The following RAB27B variants were observed in gnomAD, a reference collection of about 807,000 sequenced individuals.
RAB27B encodes the protein ras-related protein Rab-27B.
Under a neutral mutation model 24.6 loss-of-function variants are expected in RAB27B, and 15 were observed. The ratio of observed to expected loss-of-function variants is 0.61; its 90% CI spans 0.41 to 0.94. The LOEUF (loss-of-function observed/expected upper bound fraction) is 0.94, where lower values mean the gene tolerates loss of function less well. Among genes scored for constraint, RAB27B ranks in the 40% least tolerant of loss-of-function variants. The pLI, the probability that RAB27B is intolerant of heterozygous loss-of-function variation, is 0.00. For synonymous variants in RAB27B, 105 were observed against 92.5 expected, an observed-to-expected ratio of 1.14 and a Z score of -0.78; for missense variants, 261 against 266.8, an observed-to-expected ratio of 0.98 and a Z score of 0.15.
intron 1 of RAB27B, among the ~76,000 whole-genome samples, chr18:54,868,666 C>T (rs184837094): frequency 6.6e-6 from 1 of 151,950 alleles, no homozygotes; most frequent in East Asian, 1.9e-4. Flanking sequence ...TCATATTGCC[C>T]AGGCTGGAGT....
intron 1 of RAB27B, among the ~76,000 whole-genome samples, chr18:54,877,221 G>A (rs1912738796): frequency 1.3e-5 from 2 of 152,038 alleles, no homozygotes; most frequent in African/African-American, 4.8e-5. Context: ...GTTTCTTGAG[G>A]CCTCCCCAGC....
chr18:54,741,767 G>A (rs994377707), intron 2 of RAB27B, among the ~76,000 whole-genome samples: 1 of 152,172 alleles, frequency 6.6e-6, no homozygotes, highest in African/African-American at 2.4e-5. Context: ...CTCCCAAAGT[G>A]CTGAGATTAC....
At chr18:54,785,818 C>G in intron 2 of RAB27B, among the ~76,000 whole-genome samples, 1 of 152,082 alleles carries the variant, frequency 6.6e-6, no homozygotes, top group East Asian at 1.9e-4. Context: ...TAGGGGCCAG[C>G]GACCATGGTT....
intron 2 of RAB27B, among the ~76,000 whole-genome samples, chr18:54,819,971 A>G (rs934272013): frequency 2.0e-5 from 3 of 152,180 alleles, no homozygotes; most frequent in Non-Finnish European, 4.4e-5. Flanking sequence ...TTGGCTGCAT[A>G]GTATTCCACG....
At chr18:54,726,145 T>G (rs926685446) in intron 2 of RAB27B, among the ~76,000 whole-genome samples, 3 of 151,440 alleles carry the variant, frequency 2.0e-5, no homozygotes, top group African/African-American at 7.3e-5. Context: ...AGTTGAATAA[T>G]AATTCAAGTA....
At chr18:54,782,830 C>G (rs1450474387) in intron 2 of RAB27B, among the ~76,000 whole-genome samples, 1 of 152,130 alleles carries the variant, frequency 6.6e-6, no homozygotes, top group Non-Finnish European at 1.5e-5. Flanking sequence ...GTATTCAACT[C>G]AGTTCCATTG....
At chr18:54,883,552 T>A (rs1913012115) in intron 3 of RAB27B, among the ~76,000 whole-genome samples, 1 of 152,134 alleles carries the variant, frequency 6.6e-6, no homozygotes, top group Non-Finnish European at 1.5e-5. Context: ...TCTCAGCACA[T>A]CTTTAACTTC....
intron 2 of RAB27B, among the ~76,000 whole-genome samples, chr18:54,730,894 T>C (rs1909709718): frequency 6.6e-6 from 1 of 152,218 alleles, no homozygotes; most frequent in Admixed American, 6.5e-5. Flanking sequence ...ACACACTACA[T>C]GAGTTTGTTT....
intron 1 of RAB27B, among the ~76,000 whole-genome samples, chr18:54,850,359 T>TATATATATATATATATATATATAC (rs1491518141): frequency 2.4e-5 from 3 of 126,870 alleles, no homozygotes; most frequent in South Asian, 2.5e-4. Context: ...TATATATATA[T>TATATATATATATATATATATATAC]ACATACATAC....
intron 1 of RAB27B, among the ~76,000 whole-genome samples, chr18:54,835,162 A>G (rs1910845985): frequency 6.6e-6 from 1 of 151,918 alleles, no homozygotes; most frequent in Non-Finnish European, 1.5e-5. Context: ...TACAAAATGA[A>G]ATTAGATTTT....
chr18:54,778,574 G>A (rs1908789053), intron 2 of RAB27B, among the ~76,000 whole-genome samples: 1 of 152,166 alleles, frequency 6.6e-6, no homozygotes, highest in Non-Finnish European at 1.5e-5. Flanking sequence ...CTTGGTTCTA[G>A]GGATGAATGA....
At chr18:54,861,149 T>A (rs1055652590) in intron 1 of RAB27B, among the ~76,000 whole-genome samples, 1 of 152,144 alleles carries the variant, frequency 6.6e-6, no homozygotes, top group Middle Eastern at 3.2e-3. Flanking sequence ...CTTTCTCAGA[T>A]AATAAAGCAA....
intron 2 of RAB27B, among the ~76,000 whole-genome samples, chr18:54,779,781 A>G (rs539679074): frequency 6.6e-6 from 1 of 152,318 alleles, no homozygotes; most frequent in African/African-American, 2.4e-5. Context: ...GGTGACTTAA[A>G]CAGCAGATAT....
rs184192732 is a variant in RAB27B at position 54,858,357 on chromosome 18, C to T, written c.-19-19210C>T. 2.1e-3 allele frequency among the ~76,000 whole-genome samples: 317 copies of T among 150,652 alleles called. 2 individuals are homozygous for T. Among genetic ancestry groups the T allele is most frequent in the African/African-American group, 7.4e-3 (305 of 41,108 alleles). On this transcript the variant is annotated intron_variant, in intron 1 of 5. Transcript: ENST00000262094. ...AGAATAACACCTACCAAAATGGGCT[C>T]AGCTTCCAGCAGGAAAACTGTTTTT...
intron 1 of RAB27B, among the ~76,000 whole-genome samples, chr18:54,843,724 A>G (rs1911209181): frequency 6.6e-6 from 1 of 152,262 alleles, no homozygotes. Context: ...CTAACACTTT[A>G]ATGTATCATA....
chr18:54,731,137 T>C (rs1462893044), intron 2 of RAB27B, among the ~76,000 whole-genome samples: 1 of 152,170 alleles, frequency 6.6e-6, no homozygotes, highest in East Asian at 1.9e-4. Flanking sequence ...GCAATAATCA[T>C]AGTAGGGAAA....
intron 2 of RAB27B, among the ~76,000 whole-genome samples, chr18:54,733,127 C>T (rs1300789378): frequency 6.6e-6 from 1 of 152,040 alleles, no homozygotes; most frequent in Non-Finnish European, 1.5e-5. Context: ...CTCACTGTAA[C>T]CTCAAACTCC....
At chr18:54,719,392 T>A (rs1230690333) in intron 2 of RAB27B, among the ~76,000 whole-genome samples, 1 of 152,084 alleles carries the variant, frequency 6.6e-6, no homozygotes. Context: ...TACTGTTTTT[T>A]AAATATTTTG....
chr18:54,786,008 C>G (rs1396808115), intron 2 of RAB27B, among the ~76,000 whole-genome samples: 1 of 152,230 alleles, frequency 6.6e-6, no homozygotes, highest in East Asian at 1.9e-4. Context: ...ACCACATTCT[C>G]TTTCCATGCT....
Sources: gnomAD v4.1 joint callset for allele counts (sites outside exome capture counted in the v4.1 genomes callset) on GRCh38, gnomAD v4.1.1 for gene constraint, MANE v1.5 for transcripts, NCBI Gene and HGNC (gene_info 2026-07-23, HGNC 2026-07-21) for gene names.